Variants in SRD5A3 observed in about 807,000 individuals in gnomAD.
SRD5A3 encodes steroid 5 alpha-reductase 3, also known as polyprenal reductase.
In SRD5A3, 24 loss-of-function variants were observed where a neutral mutation model predicts 34.3. That is an observed-to-expected ratio of 0.70 (90% CI 0.51 to 0.99). The LOEUF (loss-of-function observed/expected upper bound fraction) is 0.99, where lower values mean the gene tolerates loss of function less well. Ranked by LOEUF, SRD5A3 falls within the 50% of genes least tolerant of loss-of-function variation. The pLI, the probability that SRD5A3 is intolerant of heterozygous loss-of-function variation, is 0.00. For missense variants in SRD5A3, 350 were observed against 388.2 expected, an observed-to-expected ratio of 0.90 and a Z score of 0.83; for synonymous variants, 161 against 167.3, an observed-to-expected ratio of 0.96 and a Z score of 0.29.
At position 55,346,292 on chromosome 4, in the gene SRD5A3, C is replaced by T. The variant is rs1334943549; in HGVS notation, c.-45C>T. 1.8e-5 allele frequency: 24 copies of T among 1,360,106 alleles called. No individual in the cohort carries two copies. The highest frequency in any genetic ancestry group is 2.1e-5 in the Non-Finnish European group (22 of 1,060,374). 84.3% of individuals were successfully genotyped at this position (1,360,106 alleles called of 1,614,324 possible). ...TAGTGGCCGCTCTTCCGCGGGCTAG[C>T]GGGCGGTGGGGGCGCCAGCAGCGCG... On this transcript the variant is annotated 5_prime_UTR_variant, in exon 1 of 5. Coordinates refer to ENST00000264228, the MANE Select transcript of SRD5A3 (RefSeq NM_024592.5).
rs939568660 is a variant in SRD5A3 at position 55,372,832 on chromosome 4, C to T, written c.*2741C>T. 4 of 151,962 alleles carry T rather than the reference C, an allele frequency of 2.6e-5. No homozygotes were observed. The highest frequency in any genetic ancestry group is 2.0e-4 in the Admixed American group (3 of 15,242). 9.4% of individuals were successfully genotyped at this position (151,962 alleles called of 1,614,324 possible). On this transcript the variant is annotated 3_prime_UTR_variant, in exon 5 of 5. Coordinates refer to ENST00000264228, the MANE Select transcript of SRD5A3 (RefSeq NM_024592.5). ...TGGCCTTTGTTTTTGTGAAGCTCAT[C>T]CTATACACTAACATTTGCTTAACCA...
intron 1 of SRD5A3, among the ~76,000 whole-genome samples, chr4:55,347,643 T>G (rs1479820434): frequency 1.3e-5 from 2 of 152,178 alleles, no homozygotes; most frequent in African/African-American, 4.8e-5. Flanking sequence ...AAAATTTTTT[T>G]TTAAAGGTTA....
intron 1 of SRD5A3, among the ~76,000 whole-genome samples, chr4:55,349,801 G>A (rs369677238): frequency 6.6e-6 from 1 of 152,166 alleles, no homozygotes; most frequent in East Asian, 1.9e-4. Flanking sequence ...TTAACTGGAG[G>A]TTCAGAGGAT....
chr4:55,347,854 A>G (rs989695246), intron 1 of SRD5A3, among the ~76,000 whole-genome samples: 2 of 152,242 alleles, frequency 1.3e-5, no homozygotes, highest in African/African-American at 2.4e-5. Flanking sequence ...GTAGAAGTAC[A>G]TGAAACAAAT....
At chr4:55,352,772 C>A (rs890787616) in intron 1 of SRD5A3, among the ~76,000 whole-genome samples, 1 of 152,188 alleles carries the variant, frequency 6.6e-6, no homozygotes, top group African/African-American at 2.4e-5. Flanking sequence ...TTCTAGGCTC[C>A]TTAGAGCTTA....
At chr4:55,349,516 A>G (rs914787344) in intron 1 of SRD5A3, among the ~76,000 whole-genome samples, 1 of 151,008 alleles carries the variant, frequency 6.6e-6, no homozygotes, top group African/African-American at 2.4e-5. Flanking sequence ...GTTTGTTTCC[A>G]TGACTCCTGT....
intron 1 of SRD5A3, among the ~76,000 whole-genome samples, chr4:55,347,994 C>G (rs1270918359): frequency 6.6e-6 from 1 of 152,168 alleles, no homozygotes; most frequent in Non-Finnish European, 1.5e-5. Flanking sequence ...AGGTACTAGT[C>G]TAGTGTACCT....
Position 55,346,531 on chromosome 4 carries a change from C to T in SRD5A3, c.195C>T (p.Ala65=). 1.3e-6 allele frequency: 2 copies of T among 1,598,088 alleles called. No individual in the cohort carries two copies. The highest frequency in any genetic ancestry group is 1.1e-5 in the South Asian group (1 of 89,276). Residue 65 remains alanine, a synonymous_variant, in exon 1 of 5, where the codon GCC becomes GCT. Coordinates refer to ENST00000264228, the MANE Select transcript of SRD5A3 (RefSeq NM_024592.5). ...TKCGEPSRPA[A]CRAFDVPKRY... Reference sequence around the variant, plus strand: ...GTGGGGAGCCGTCGCGCCCCGCCGCCTGCCGAGCCTTTGATGTCCCCAAGA... The same window carrying T: ...GTGGGGAGCCGTCGCGCCCCGCCGCTTGCCGAGCCTTTGATGTCCCCAAGA...
At chr4:55,356,561 T>TA (rs1000127025) in intron 1 of SRD5A3, among the ~76,000 whole-genome samples, 3 of 152,050 alleles carry the variant, frequency 2.0e-5, no homozygotes, top group African/African-American at 7.2e-5. Flanking sequence ...GATCACCACT[T>TA]ACTGCAGCCT....
intron 2 of SRD5A3, among the ~76,000 whole-genome samples, chr4:55,363,143 G>A (rs1389581562): frequency 6.6e-6 from 1 of 150,400 alleles, no homozygotes; most frequent in African/African-American, 2.4e-5. Context: ...CATCGCCCCC[G>A]GCCGTGACTC....
At chr4:55,366,104 T>C (rs1164406259) in intron 3 of SRD5A3, among the ~76,000 whole-genome samples, 1 of 152,206 alleles carries the variant, frequency 6.6e-6, no homozygotes, top group Non-Finnish European at 1.5e-5. Flanking sequence ...CTTAAGTAAC[T>C]AATGAATAAA....
In SRD5A3 at chr4:55,372,668, T is replaced by G. The variant is rs1271750872; in HGVS notation, c.*2577T>G. ...TCTTCACAAGGACCCAGAAATAGCT[T>G]AAAGATTCATGGTTTTCCTGTTGGC... is the stretch of plus-strand genomic sequence containing the variant. On this transcript the variant is annotated 3_prime_UTR_variant, in exon 5 of 5. Coordinates refer to ENST00000264228, the MANE Select transcript of SRD5A3 (RefSeq NM_024592.5). 6.6e-6 allele frequency: 1 copy of G among 152,190 alleles called. No homozygotes were observed. The highest frequency in any genetic ancestry group is 1.5e-5 in the Non-Finnish European group (1 of 68,028). The allele number at this position is 152,190 out of a possible 1,614,324, so 9.4% of individuals were successfully genotyped here. A position where few individuals can be genotyped will look rare whatever the true frequency, so the allele number is the denominator to read the frequency against.
At chr4:55,346,638 G>A in intron 1 of SRD5A3, 81 bp downstream of exon 1, 1 of 1,326,666 alleles carries the variant, frequency 7.5e-7, no homozygotes, top group Non-Finnish European at 1.0e-6. Flanking sequence ...AGCCAGCAGG[G>A]GGCAGCAGAG....
At chr4:55,349,531 T>A (rs1163876174) in intron 1 of SRD5A3, among the ~76,000 whole-genome samples, 1 of 151,728 alleles carries the variant, frequency 6.6e-6, no homozygotes, top group Admixed American at 6.6e-5. Flanking sequence ...TCCTGTCTGG[T>A]AGATTTTTTT....
intron 1 of SRD5A3, among the ~76,000 whole-genome samples, chr4:55,349,477 G>A (rs2109459959): frequency 6.6e-6 from 1 of 152,122 alleles, no homozygotes; most frequent in African/African-American, 2.4e-5. Context: ...ACGGAGGCAA[G>A]AGTAAAACCT....
chr4:55,350,492 A>AT (rs373828731), intron 1 of SRD5A3, among the ~76,000 whole-genome samples: 1 of 151,496 alleles, frequency 6.6e-6, no homozygotes, highest in Non-Finnish European at 1.5e-5. Flanking sequence ...TGCTTGTATA[A>AT]TTTTTTTTTG....
intron 1 of SRD5A3, 57 bp from the exon 2 acceptor site, chr4:55,359,288 TA>T: frequency 6.2e-7 from 1 of 1,607,374 alleles, no homozygotes; most frequent in Non-Finnish European, 8.5e-7. Flanking sequence ...AATCTTCCCG[TA>T]TAAGAGCTTG....
At position 55,372,247 on chromosome 4, in the gene SRD5A3, TA is replaced by T. The variant is rs952682865; in HGVS notation, c.*2157del. ...TTAGCATGCAATTTTATGCCCAGGT[TA>T]GACTAGAGATTTGGCTGATGTTCTG... On this transcript the variant is annotated 3_prime_UTR_variant, in exon 5 of 5. Transcript: ENST00000264228. 1.3e-5 allele frequency: 2 copies of T among 152,184 alleles called. No homozygotes were observed. The highest frequency in any genetic ancestry group is 4.8e-5 in the African/African-American group (2 of 41,428). 9.4% of individuals were successfully genotyped at this position (152,184 alleles called of 1,614,324 possible).
At position 55,372,102 on chromosome 4, in the gene SRD5A3, T is replaced by G. The variant is rs1270295479; in HGVS notation, c.*2011T>G. 1 of 152,250 alleles carries G rather than the reference T, an allele frequency of 6.6e-6. No individual in the cohort carries two copies. Among genetic ancestry groups the G allele is most frequent in the East Asian group, 1.9e-4 (1 of 5,208 alleles). 9.4% of individuals were successfully genotyped at this position (152,250 alleles called of 1,614,324 possible). ...TTTACTTATCATTTAGAATTTGCCA[T>G]TCTCAGGAACAAAACTTTTTGTACA... On this transcript the variant is annotated 3_prime_UTR_variant, in exon 5 of 5. Coordinates refer to ENST00000264228, the MANE Select transcript of SRD5A3 (RefSeq NM_024592.5).
Sources: allele counts gnomAD v4.1 joint callset (sites outside exome capture counted in the v4.1 genomes callset), GRCh38; gene constraint gnomAD v4.1.1; transcripts MANE v1.5; gene names NCBI Gene and HGNC (gene_info 2026-07-23, HGNC 2026-07-21).